TEDC2: variants seen among roughly 807,000 people sequenced by gnomAD.
The protein encoded by TEDC2 is tubulin epsilon and delta complex 2, also known as tubulin epsilon and delta complex protein 2.
A neutral mutation model predicts 48.1 loss-of-function variants in TEDC2; 49 were observed. That is an observed-to-expected ratio of 1.02 (90% CI 0.81 to 1.29). The LOEUF (loss-of-function observed/expected upper bound fraction) is 1.29, where lower values mean the gene tolerates loss of function less well. TEDC2 is among the 50% of genes most tolerant of loss of function. The probability of loss-of-function intolerance (pLI) is 0.00; values close to 1 mark genes in which losing one functional copy is unlikely to be tolerated. For missense variants in TEDC2, 631 were observed against 571.4 expected (o/e 1.10, Z -1.06); for synonymous variants, 299 against 247.1 (o/e 1.21, Z -1.97).
chr16:2,464,914 C>T lies in TEDC2; in HGVS notation c.*246C>T, dbSNP rs2065491168. ...TCCTGGCTCCCTCTGTTTTCTCTCA[C>T]TGTAGACCAAAGAGCCGCTTGTGTG... On this transcript the variant is annotated 3_prime_UTR_variant, in exon 10 of 10. Transcript: ENST00000361837. 1 of 557,854 alleles carries T rather than the reference C, an allele frequency of 1.8e-6. No individual in the cohort carries two copies. The highest frequency in any genetic ancestry group is 3.2e-6 in the Non-Finnish European group (1 of 316,186). The allele number at this position is 557,854 out of a possible 1,614,324, so 34.6% of individuals were successfully genotyped here.
At chr16:2,461,542 C>T (rs2065466765) in intron 4 of TEDC2, 2 of 660,546 alleles carry the variant, frequency 3.0e-6, no homozygotes, top group Non-Finnish European at 5.1e-6. Context: ...TCACAGGGCC[C>T]CCTCTTCTCT....
rs2065458834 is a variant in TEDC2, at chr16:2,460,466, G to A, written c.125+85G>A. 4 of 1,504,834 alleles carry A rather than the reference G, an allele frequency of 2.7e-6. No individual in the cohort carries two copies. The Admixed American group carries it at 8.8e-5, about 33-fold the overall frequency. The allele number at this position is 1,504,834 out of a possible 1,614,324, so 93.2% of individuals were successfully genotyped here. On this transcript the variant is annotated intron_variant, in intron 2 of 9. Coordinates refer to ENST00000361837, the MANE Select transcript of TEDC2 (RefSeq NM_025108.3). ...AGCGCCCAGGGCTGGGAGACCGGGCGCAGCCGCCCACTTCGGAGCTGTGGG... is the reference window on the plus strand; with the variant it reads ...AGCGCCCAGGGCTGGGAGACCGGGCACAGCCGCCCACTTCGGAGCTGTGGG...
At chr16:2,464,306 C>T (rs1413195433) in intron 9 of TEDC2, 77 bp downstream of exon 9, 12 of 1,519,980 alleles carry the variant, frequency 7.9e-6, no homozygotes, top group South Asian at 2.4e-5. Flanking sequence ...CTTGACTGCT[C>T]CACCCCCCAG....
In TEDC2 at chr16:2,464,306, C is replaced by G. The variant is rs1413195433; in HGVS notation, c.1155+77C>G. The G allele has an allele frequency of 3.3e-6, 5 of 1,519,980 alleles. No homozygotes were observed. In the Admixed American group the frequency reaches 7.8e-5, roughly 24 times the overall value. 94.2% of individuals were successfully genotyped at this position (1,519,980 alleles called of 1,614,324 possible). The stretch of plus-strand genomic sequence containing the variant: ...ACCCGAGGGTAGGGGCTTGACTGCT[C>G]CACCCCCCAGGACCCAGGAGGATGG... On this transcript the variant is annotated intron_variant, in intron 9 of 9. Transcript: ENST00000361837.
At chr16:2,464,444 G>C in intron 9 of TEDC2, 78 bp from the exon 10 acceptor site, 1 of 1,438,592 alleles carries the variant, frequency 7.0e-7, no homozygotes. Context: ...TGAAGCATGG[G>C]GGCCTCGAAG....
At chr16:2,461,546 CTT>C (rs2065466832) in intron 4 of TEDC2, 199 bp from the exon 5 acceptor site, 2 of 667,370 alleles carry the variant, frequency 3.0e-6, no homozygotes, top group Non-Finnish European at 5.0e-6. Context: ...AGGGCCCCCT[CTT>C]CTCTCTAATG....
chr16:2,460,480 C>T, intron 2 of TEDC2, 99 bp downstream of exon 2: 3 of 1,502,988 alleles, frequency 2.0e-6, no homozygotes, highest in East Asian at 2.5e-5. Flanking sequence ...CCGCCCACTT[C>T]GGAGCTGTGG....
At chr16:2,461,665 C>G in intron 4 of TEDC2, 82 bp from the exon 5 acceptor site, 15 of 1,548,898 alleles carry the variant, frequency 9.7e-6, no homozygotes, top group Non-Finnish European at 1.3e-5. Context: ...AGCCTCATCC[C>G]TGATTGGGCT....
Position 2,460,890 on chromosome 16 carries a change from C to G in TEDC2, c.271C>G (p.Arg91Gly), listed in dbSNP as rs762413882. The change falls in exon 4 of 10, where the codon CGA becomes GGA. Residue 91 changes from arginine to glycine, a missense_variant. Transcript: ENST00000361837. ...TQALEKAVRVRRGITKAGERD... is the reference protein window; with the variant it reads ...TQALEKAVRVGRGITKAGERD... ...GGCACTGGAGAAGGCTGTACGAGTT[C>G]GAAGAGGCATCACTAAGGCCGGAGA... 2 of 1,613,514 alleles carry G rather than the reference C, an allele frequency of 1.2e-6. No homozygotes were observed. The highest frequency in any genetic ancestry group is 8.5e-7 in the Non-Finnish European group (1 of 1,179,992).
At position 2,463,684 on chromosome 16, in the gene TEDC2, G is replaced by A. The variant is rs549442163; in HGVS notation, c.965-355G>A. ...AGAATCAGCTCCTGGGAGGTGACTCGCCTGGGATTGCGTGAGGTGGTTATT... is the reference window on the plus strand; with the variant it reads ...AGAATCAGCTCCTGGGAGGTGACTCACCTGGGATTGCGTGAGGTGGTTATT... On this transcript the variant is annotated intron_variant, in intron 8 of 9. Transcript: ENST00000361837. 4.0e-5 allele frequency among the ~76,000 whole-genome samples: 6 copies of A among 151,784 alleles called. No individual in the cohort carries two copies. The South Asian group carries it at 6.3e-4, about 16-fold the overall frequency.
At chr16:2,461,444 C>G (rs1959199261) in intron 4 of TEDC2, 4 of 678,100 alleles carry the variant, frequency 5.9e-6, no homozygotes, top group Non-Finnish European at 9.5e-6. Context: ...CTGTCCTCCT[C>G]TCTTCTCTGT....
chr16:2,462,752 C>G lies in TEDC2; in HGVS notation c.964+20C>G, dbSNP rs1355816778. ...GTGCAGGTGAGACCCCGCCCCCACCCTGCCACCTGCACTGAGGTCTGGGCC... is the reference window on the plus strand; with the variant it reads ...GTGCAGGTGAGACCCCGCCCCCACCGTGCCACCTGCACTGAGGTCTGGGCC... On this transcript the variant is annotated intron_variant, in intron 8 of 9. Coordinates refer to ENST00000361837, the MANE Select transcript of TEDC2 (RefSeq NM_025108.3). 10 of 1,524,584 alleles carry G rather than the reference C, an allele frequency of 6.6e-6. No individual in the cohort carries two copies. Among genetic ancestry groups the G allele is most frequent in the Middle Eastern group, 2.3e-4 (1 of 4,336 alleles). The allele number at this position is 1,524,584 out of a possible 1,614,324, so 94.4% of individuals were successfully genotyped here. A position where few individuals can be genotyped will look rare whatever the true frequency, so the allele number is the denominator to read the frequency against.
At position 2,464,184 on chromosome 16, in the gene TEDC2, C is replaced by T. The variant is rs549233198; in HGVS notation, c.1110C>T (p.Leu370=). ...STQELQTLAA[L]KLRVAVLDQQ... ...AGGAGCTGCAGACCCTGGCGGCCCT[C>T]AAGCTGCGAGTGGCTGTGCTGGACC... Residue 370 remains leucine (L), a synonymous_variant, in exon 9 of 10, where the codon CTC becomes CTT. Coordinates refer to ENST00000361837, the MANE Select transcript of TEDC2 (RefSeq NM_025108.3). 6.2e-7 allele frequency: 1 copy of T among 1,612,442 alleles called. No individual in the cohort carries two copies. The highest frequency in any genetic ancestry group is 1.7e-5 in the Admixed American group (1 of 59,926).
chr16:2,464,343 G>A, intron 9 of TEDC2, 114 bp downstream of exon 9: 2 of 1,406,918 alleles, frequency 1.4e-6, no homozygotes, highest in Non-Finnish European at 1.9e-6. Flanking sequence ...GGCAAGCCTG[G>A]GGTCTGTGTG....
intron 8 of TEDC2, 24 bp from the exon 9 acceptor site, chr16:2,464,015 G>A (rs2065483501): frequency 6.3e-7 from 1 of 1,592,936 alleles, no homozygotes; most frequent in Admixed American, 1.7e-5. Context: ...CTACCCCAAA[G>A]GCCACATTCT....
chr16:2,464,274 C>T (rs570654235), intron 9 of TEDC2, 45 bp downstream of exon 9: 7 of 1,582,950 alleles, frequency 4.4e-6, no homozygotes, highest in Admixed American at 3.6e-5. Flanking sequence ...GGTCCGCAGC[C>T]TTGAGGACCC....
At position 2,462,416 on chromosome 16, in the gene TEDC2, C is replaced by G. The variant is rs369558766; in HGVS notation, c.752C>G (p.Ser251Ter). 3.8e-5 allele frequency: 62 copies of G among 1,611,954 alleles called. No individual in the cohort carries two copies. The highest frequency in any genetic ancestry group is 5.2e-5 in the Non-Finnish European group (61 of 1,179,822). The change falls in exon 7 of 10, where the codon TCA (serine) becomes TGA (stop). Residue 251 changes from serine to a stop codon, truncating the protein, a stop_gained and splice_region_variant. Transcript: ENST00000361837. LOFTEE classifies it high-confidence loss of function. The stretch of plus-strand genomic sequence containing the variant: ...GAAGTTTTCCTGACCCATATCCAGT[C>G]AGGCGGGCCCCAGCCCAGGCTCAGT... ...TQFLQNMQTASGGPQPRLSAV... is the reference protein window; with the variant it reads ...TQFLQNMQTA
At position 2,460,911 on chromosome 16, in the gene TEDC2, G is replaced by GGA. The variant is rs751851823; in HGVS notation, c.301_302dup (p.Asp101GlufsTer7). On this transcript the variant is annotated frameshift_variant, in exon 4 of 10. Transcript: ENST00000361837. LOFTEE classifies it high-confidence loss of function. The stretch of plus-strand genomic sequence containing the variant: ...AGTTCGAAGAGGCATCACTAAGGCC[G>GGA]GAGAGAGAGACAAGGCCCCCAGCCT... The GGA allele has an allele frequency of 1.2e-6, 2 of 1,613,486 alleles. No homozygotes were observed. Among genetic ancestry groups the GGA allele is most frequent in the Admixed American group, 1.7e-5 (1 of 60,010 alleles).
rs574867069 is a variant in TEDC2, at chr16:2,461,872, C to T, written c.659+72C>T. The T allele has an allele frequency of 5.8e-6, 9 of 1,559,042 alleles. No homozygotes were observed. In the Admixed American group the frequency reaches 8.4e-5, roughly 14 times the overall value. ...GGCATCACCAGCTCGGGGACAGGTT[C>T]GAGATACTTTCCAGTGGGTCTCTTT... On this transcript the variant is annotated intron_variant, in intron 5 of 9. Transcript: ENST00000361837.
Sources: allele counts gnomAD v4.1 joint callset (sites outside exome capture counted in the v4.1 genomes callset), GRCh38; gene constraint gnomAD v4.1.1; transcripts MANE v1.5; gene names NCBI Gene and HGNC (gene_info 2026-07-23, HGNC 2026-07-21).